EEFSEC: variants seen among roughly 807,000 people sequenced by gnomAD.
The protein encoded by EEFSEC is selenocysteine-specific elongation factor.
EEFSEC carries 43 observed loss-of-function variants against 42.1 expected under a neutral mutation model. The observed-to-expected ratio is 1.02, with a 90% CI of 0.80 to 1.32. EEFSEC has a LOEUF of 1.32. Ranked by LOEUF, EEFSEC falls within the 40% of genes most tolerant of loss-of-function variation. The pLI, the probability that EEFSEC is intolerant of heterozygous loss-of-function variation, is 0.00. For missense variants in EEFSEC, 745 were observed against 803.6 expected (o/e 0.93, Z 0.88); for synonymous variants, 354 against 339.1 (o/e 1.04, Z -0.48).
chr3:128,408,432 TG>T lies in EEFSEC; in HGVS notation c.*174del. 1.5e-6 allele frequency: 1 copy of T among 667,396 alleles called. No individual in the cohort carries two copies. The highest frequency in any genetic ancestry group is 2.4e-6 in the Non-Finnish European group (1 of 423,548). The allele number at this position is 667,396 out of a possible 1,614,324, so 41.3% of individuals were successfully genotyped here. ...TGGTGAGGAGCTGAGGGGGATGGGT[TG>T]CTGGGGCCAGGAGGGTCTCTCCTCC... On this transcript the variant is annotated 3_prime_UTR_variant, in exon 7 of 7. Transcript: ENST00000254730.
intron 2 of EEFSEC, among the ~76,000 whole-genome samples, chr3:128,252,527 G>A (rs1317347885): frequency 1.3e-5 from 2 of 152,142 alleles, no homozygotes; most frequent in African/African-American, 2.4e-5. Flanking sequence ...TGCATAGTTC[G>A]TGGAATCAGT....
intron 4 of EEFSEC, among the ~76,000 whole-genome samples, chr3:128,295,655 G>A (rs1409148883): frequency 3.3e-5 from 5 of 149,614 alleles, no homozygotes; most frequent in Non-Finnish European, 1.5e-5. Context: ...AGATGGAGAA[G>A]GACCCAAGTT....
intron 1 of EEFSEC, among the ~76,000 whole-genome samples, chr3:128,221,084 G>A: frequency 6.6e-6 from 1 of 152,236 alleles, no homozygotes; most frequent in East Asian, 1.9e-4. Context: ...CATCACAGGT[G>A]TGCCACACTT....
chr3:128,317,328 G>A lies in EEFSEC; in HGVS notation c.787-23905G>A, dbSNP rs1426175834. ...TCACATGCAGTGCGTCCCCAGACTT[G>A]TAAGCCTGGCCTGTTCTCCGCCCCG... On this transcript the variant is annotated intron_variant, in intron 4 of 6. Coordinates refer to ENST00000254730, the MANE Select transcript of EEFSEC (RefSeq NM_021937.5). The surrounding 1 kb of genome is among the most constrained non-coding windows in gnomAD (Gnocchi z 4.1). 1.3e-5 allele frequency among the ~76,000 whole-genome samples: 2 copies of A among 152,208 alleles called. No individual in the cohort carries two copies. The highest frequency in any genetic ancestry group is 1.3e-4 in the Admixed American group (2 of 15,286).
chr3:128,171,053 G>A (rs1485051837), intron 1 of EEFSEC, among the ~76,000 whole-genome samples: 1 of 152,120 alleles, frequency 6.6e-6, no homozygotes, highest in African/African-American at 2.4e-5. Context: ...CTGTACAATC[G>A]CAAACTGTCC....
the EEFSEC span, among the ~76,000 whole-genome samples, chr3:128,418,121 C>T: frequency 6.6e-4 from 101 of 152,178 alleles, no homozygotes; most frequent in African/African-American, 2.1e-3. Context: ...CCACTGGAGT[C>T]CCCAGACCAG....
intron 1 of EEFSEC, among the ~76,000 whole-genome samples, chr3:128,241,201 CTTTT>C (rs373420882): frequency 3.7e-5 from 3 of 80,658 alleles, no homozygotes; most frequent in African/African-American, 5.0e-5. Context: ...CTCTCTCTCT[CTTTT>C]TTTTTTTTTT....
At chr3:128,400,427 C>T (rs1013006013) in intron 6 of EEFSEC, among the ~76,000 whole-genome samples, 2 of 152,238 alleles carry the variant, frequency 1.3e-5, no homozygotes. Context: ...TCCAGCCTGG[C>T]CATCCCATAT....
chr3:128,402,343 T>G (rs1371881032), intron 6 of EEFSEC, among the ~76,000 whole-genome samples: 4 of 152,238 alleles, frequency 2.6e-5, no homozygotes, highest in Non-Finnish European at 5.9e-5. Flanking sequence ...TTTCTTTGTG[T>G]AACTTTAAAC....
At chr3:128,328,727 G>C (rs2067092324) in intron 4 of EEFSEC, among the ~76,000 whole-genome samples, 1 of 152,214 alleles carries the variant, frequency 6.6e-6, no homozygotes, top group South Asian at 2.1e-4. Flanking sequence ...GCCTCCTGGG[G>C]CTCCGAGCCT....
intron 4 of EEFSEC, among the ~76,000 whole-genome samples, chr3:128,335,829 A>G (rs529808114): frequency 9.7e-4 from 147 of 152,276 alleles, no homozygotes; most frequent in African/African-American, 3.3e-3. Context: ...ACCTACTTGG[A>G]AGGTAGAGCC....
chr3:128,158,856 G>C (rs573057519), intron 1 of EEFSEC, among the ~76,000 whole-genome samples: 2 of 152,328 alleles, frequency 1.3e-5, no homozygotes, highest in East Asian at 3.9e-4. Flanking sequence ...TTCAGCACTT[G>C]CCTGGTCCTA....
intron 6 of EEFSEC, among the ~76,000 whole-genome samples, chr3:128,375,940 G>T (rs956400639): frequency 2.0e-5 from 3 of 152,196 alleles, no homozygotes; most frequent in Non-Finnish European, 4.4e-5. Flanking sequence ...GCTAGATGGG[G>T]CTGAGAAATA....
At position 128,166,193 on chromosome 3, in the gene EEFSEC, G is replaced by C. The variant is rs867845551; in HGVS notation, c.316+12370G>C. On this transcript the variant is annotated intron_variant, in intron 1 of 6. Coordinates refer to ENST00000254730, the MANE Select transcript of EEFSEC (RefSeq NM_021937.5). ...CAGGAAGACTGGAAGGGAGCCCTGA[G>C]GTGCTTACAGCACAGCCGTGTTTCC... is the stretch of plus-strand genomic sequence containing the variant. Among the ~76,000 whole-genome samples, 6 of 152,282 alleles carry C rather than the reference G, an allele frequency of 3.9e-5. No homozygotes were observed. The Middle Eastern group carries it at 0.014, about 345-fold the overall frequency.
chr3:128,173,244 G>A (rs1192308231), intron 1 of EEFSEC, among the ~76,000 whole-genome samples: 1 of 152,184 alleles, frequency 6.6e-6, no homozygotes, highest in African/African-American at 2.4e-5. Flanking sequence ...GGAACCATCA[G>A]TTTCCAAAGG....
At chr3:128,394,117 G>T (rs906467458) in intron 6 of EEFSEC, among the ~76,000 whole-genome samples, 1 of 152,214 alleles carries the variant, frequency 6.6e-6, no homozygotes, top group Non-Finnish European at 1.5e-5. Flanking sequence ...CAGTGTGTGG[G>T]CACATGGCCA....
At chr3:128,182,356 G>A (rs1188870008) in intron 1 of EEFSEC, among the ~76,000 whole-genome samples, 1 of 151,664 alleles carries the variant, frequency 6.6e-6, no homozygotes, top group Non-Finnish European at 1.5e-5. Flanking sequence ...GGTCAATCCA[G>A]GATTTTAAAA....
At chr3:128,396,029 C>T (rs2067977475) in intron 6 of EEFSEC, among the ~76,000 whole-genome samples, 1 of 152,184 alleles carries the variant, frequency 6.6e-6, no homozygotes, top group Non-Finnish European at 1.5e-5. Context: ...CCCTGCCTGC[C>T]CTGCAGGTGT....
chr3:128,400,108 T>A (rs2068031636), intron 6 of EEFSEC, among the ~76,000 whole-genome samples: 1 of 152,156 alleles, frequency 6.6e-6, no homozygotes, highest in Admixed American at 6.5e-5. Context: ...CCCCTGGCCT[T>A]GGGGGCAGCT....
Sources: gnomAD v4.1 joint callset for allele counts (sites outside exome capture counted in the v4.1 genomes callset) on GRCh38, gnomAD v4.1.1 for gene constraint, Gnocchi (gnomAD v3.1) non-coding constraint, MANE v1.5 for transcripts, NCBI Gene and HGNC (gene_info 2026-07-23, HGNC 2026-07-21) for gene names.